Variants in MYO10 observed in about 807,000 individuals in gnomAD.
MYO10 encodes unconventional myosin-X.
MYO10 carries 133 observed loss-of-function variants against 257.3 expected under a neutral mutation model. The observed-to-expected ratio is 0.52, with a 90% CI of 0.45 to 0.60. The LOEUF (loss-of-function observed/expected upper bound fraction) is 0.60. Ranked by LOEUF, MYO10 falls within the 20% of genes least tolerant of loss-of-function variation. MYO10 has a pLI of 0.00. For missense variants in MYO10, 2,399 were observed against 2,635.7 expected, an observed-to-expected ratio of 0.91 and a Z score of 1.97; for synonymous variants, 1,104 against 1,028.6, an observed-to-expected ratio of 1.07 and a Z score of -1.40.
chr5:16,747,164 G>C (rs1273895494), intron 19 of MYO10, among the ~76,000 whole-genome samples: 1 of 152,118 alleles, frequency 6.6e-6, no homozygotes, highest in Non-Finnish European at 1.5e-5. Context: ...ATGTCTAGAA[G>C]GGGTCAGCTG....
intron 19 of MYO10, among the ~76,000 whole-genome samples, chr5:16,727,878 A>C (rs1206840838): frequency 5.0e-4 from 71 of 141,110 alleles, no homozygotes; most frequent in African/African-American, 2.1e-3. Context: ...CCCAGCCCAA[A>C]AAAAAAAAAA....
At chr5:16,669,398 G>T (rs1736335117) in intron 39 of MYO10, among the ~76,000 whole-genome samples, 1 of 151,968 alleles carries the variant, frequency 6.6e-6, no homozygotes, top group South Asian at 2.1e-4. Flanking sequence ...CAGAGATGGG[G>T]TTTCACCGTG....
rs561409873 is a variant in MYO10 at position 16,825,717 on chromosome 5, CATAT to C, written c.121-7554_121-7551del. Among the ~76,000 whole-genome samples, 380 of 152,318 alleles carry C rather than the reference CATAT, an allele frequency of 2.5e-3. 6 individuals carry two copies. Among genetic ancestry groups the C allele is most frequent in the African/African-American group, 8.4e-3 (351 of 41,554 alleles). On this transcript the variant is annotated intron_variant, in intron 2 of 40. Coordinates refer to ENST00000513610, the MANE Select transcript of MYO10 (RefSeq NM_012334.3). ...CAGAGTGGACAGCCGGATGCAGTGGCATATGCCGGTAATCCCAGCTATTCAGGAG... is the reference window on the plus strand; with the variant it reads ...CAGAGTGGACAGCCGGATGCAGTGGCGCCGGTAATCCCAGCTATTCAGGAG...
chr5:16,663,554 T>TG lies in MYO10; in HGVS notation c.*3137_*3138insC. 1 of 151,788 alleles carries TG rather than the reference T, an allele frequency of 6.6e-6. No homozygotes were observed. The allele number at this position is 151,788 out of a possible 1,614,324, so 9.4% of individuals were successfully genotyped here. ...CAGATAGAAAATATTTGAAAAAACT[T>TG]TTTTTGGTGGGGCACAGTGGCTCAC... On this transcript the variant is annotated 3_prime_UTR_variant, in exon 41 of 41. Transcript: ENST00000513610.
intron 19 of MYO10, among the ~76,000 whole-genome samples, chr5:16,747,637 G>T (rs1740233375): frequency 6.6e-6 from 1 of 152,174 alleles, no homozygotes; most frequent in African/African-American, 2.4e-5. Context: ...AGAAGATAGA[G>T]GCTGGACGCG....
chr5:16,850,064 A>G (rs539690078), intron 2 of MYO10, among the ~76,000 whole-genome samples: 1 of 152,342 alleles, frequency 6.6e-6, no homozygotes, highest in East Asian at 1.9e-4. Context: ...CGGAATTTCT[A>G]TAAGACAAAG....
chr5:16,806,287 C>A (rs1742273989), intron 3 of MYO10, among the ~76,000 whole-genome samples: 1 of 150,234 alleles, frequency 6.7e-6, no homozygotes, highest in Non-Finnish European at 1.5e-5. Flanking sequence ...TTGCAGTGAG[C>A]CAGAGGTTGC....
intron 1 of MYO10, among the ~76,000 whole-genome samples, chr5:16,907,692 G>A (rs1249485038): frequency 6.6e-6 from 1 of 152,108 alleles, no homozygotes; most frequent in African/African-American, 2.4e-5. Flanking sequence ...AACTCACTGT[G>A]GGAAAAGGGC....
chr5:16,765,080 A>G (rs1740825669), intron 11 of MYO10, among the ~76,000 whole-genome samples: 1 of 152,178 alleles, frequency 6.6e-6, no homozygotes. Flanking sequence ...TTTCTTCATA[A>G]TATGGTCAGC....
At chr5:16,788,842 AC>A (rs1247400485) in intron 4 of MYO10, among the ~76,000 whole-genome samples, 3 of 152,154 alleles carry the variant, frequency 2.0e-5, no homozygotes, top group African/African-American at 7.2e-5. Flanking sequence ...GTGGAACCAA[AC>A]GAGCATCTTT....
chr5:16,774,747 A>G (rs1741166455), intron 9 of MYO10, among the ~76,000 whole-genome samples: 1 of 152,140 alleles, frequency 6.6e-6, no homozygotes, highest in South Asian at 2.1e-4. Context: ...AAGTAATATT[A>G]TATTATTTTA....
rs187897774 is a variant in MYO10 at position 16,759,664 on chromosome 5, G to A, written c.1740-1438C>T. On this transcript the variant is annotated intron_variant, in intron 17 of 40. Coordinates refer to ENST00000513610, the MANE Select transcript of MYO10 (RefSeq NM_012334.3). ...GAAACTCCACCTCGCTGGTCTCCAG[G>A]CCTGCAATCTTTTCACTACGACAAA... Among the ~76,000 whole-genome samples the A allele has an allele frequency of 8.2e-3, 1,250 of 152,264 alleles. 6 individuals are homozygous for A. Among genetic ancestry groups the A allele is most frequent in the Non-Finnish European group, 0.013 (869 of 68,002 alleles).
intron 19 of MYO10, among the ~76,000 whole-genome samples, chr5:16,728,610 C>T (rs941253148): frequency 1.3e-5 from 2 of 151,912 alleles, no homozygotes; most frequent in African/African-American, 4.8e-5. Flanking sequence ...TTACCATGTA[C>T]CAAGGCTTTC....
Position 16,670,655 on chromosome 5 carries a change from G to A in MYO10, c.5754C>T (p.Ser1918=), listed in dbSNP as rs202019610. The part of the protein sequence containing the change: ...MLDMWIKEEV[S]SARASIIDKW... ...TGTCAATGATACTGGCTCGAGCAGA[G>A]GAGACTTCTTCCTTAATCCACATGT... is the stretch of plus-strand genomic sequence containing the variant. The change falls in exon 39 of 41, where the codon TCC becomes TCT. Residue 1918 remains serine (S), a synonymous_variant. Coordinates refer to ENST00000513610, the MANE Select transcript of MYO10 (RefSeq NM_012334.3). 1.9e-6 allele frequency: 3 copies of A among 1,613,900 alleles called. No individual in the cohort carries two copies. The highest frequency in any genetic ancestry group is 2.5e-6 in the Non-Finnish European group (3 of 1,179,910).
In MYO10 at chr5:16,710,137, C is replaced by T. The variant is rs3849108; in HGVS notation, c.2169+771G>A. On this transcript the variant is annotated intron_variant, in intron 21 of 40. Coordinates refer to ENST00000513610, the MANE Select transcript of MYO10 (RefSeq NM_012334.3). ...CTGCTGTGTGTAAGGGCAGAAGGAG[C>T]GGGAATGAGGATTCACTCTTCGAGG... is the stretch of plus-strand genomic sequence containing the variant. Among the ~76,000 whole-genome samples, 1,053 of 152,260 alleles carry T rather than the reference C, an allele frequency of 6.9e-3. 4 individuals are homozygous for T. The highest frequency in any genetic ancestry group is 0.012 in the South Asian group (60 of 4,820).
At chr5:16,693,882 T>A (rs1332673424) in intron 27 of MYO10, among the ~76,000 whole-genome samples, 2 of 152,230 alleles carry the variant, frequency 1.3e-5, no homozygotes, top group Non-Finnish European at 2.9e-5. Flanking sequence ...CCAGCCCTGT[T>A]CCTCTCACTG....
intron 2 of MYO10, among the ~76,000 whole-genome samples, chr5:16,845,135 T>C (rs551511019): frequency 2.0e-5 from 3 of 152,302 alleles, no homozygotes; most frequent in African/African-American, 7.2e-5. Flanking sequence ...AACCTCTTCC[T>C]GAGACACGGC....
intron 3 of MYO10, chr5:16,815,451 A>C: frequency 1.4e-6 from 1 of 701,494 alleles, no homozygotes. Flanking sequence ...AGGTATATTC[A>C]ACCTATCTGC....
intron 2 of MYO10, among the ~76,000 whole-genome samples, chr5:16,822,607 G>A (rs1195673249): frequency 6.6e-6 from 1 of 151,854 alleles, no homozygotes; most frequent in Non-Finnish European, 1.5e-5. Context: ...AGCGCCCTGC[G>A]TTCTAGTATC....
Sources: gnomAD v4.1 joint callset for allele counts (sites outside exome capture counted in the v4.1 genomes callset) on GRCh38, gnomAD v4.1.1 for gene constraint, MANE v1.5 for transcripts, NCBI Gene and HGNC (gene_info 2026-07-23, HGNC 2026-07-21) for gene names.